Variants in CAMK2G observed in about 807,000 individuals in gnomAD.
CAMK2G encodes calcium/calmodulin-dependent protein kinase type II subunit gamma.
CAMK2G carries 23 observed loss-of-function variants against 88.7 expected under a neutral mutation model. The ratio of observed to expected loss-of-function variants is 0.26; its 90% CI spans 0.19 to 0.37. The LOEUF (loss-of-function observed/expected upper bound fraction) is 0.37. Ranked by LOEUF, CAMK2G falls within the 10% of genes least tolerant of loss-of-function variation. The pLI is 1.00. For missense variants in CAMK2G, 476 were observed against 780.8 expected (o/e 0.61, Z 4.65); for synonymous variants, 263 against 294.8 (o/e 0.89, Z 1.11).
At chr10:73,872,965 G>C in intron 2 of CAMK2G, 24 bp downstream of exon 2, 1 of 1,478,636 alleles carries the variant, frequency 6.8e-7, no homozygotes, top group Non-Finnish European at 9.5e-7. Context: ...CCCTCAGGAA[G>C]AGGTCAAGAC....
chr10:73,865,033 T>C (rs2095535009), intron 2 of CAMK2G, among the ~76,000 whole-genome samples: 1 of 152,208 alleles, frequency 6.6e-6, no homozygotes, highest in South Asian at 2.1e-4. Context: ...AGGTCTGGCA[T>C]ATAGCTCCTT....
chr10:73,816,865 A>G, intron 21 of CAMK2G, 158 bp downstream of exon 21: 1 of 1,600,168 alleles, frequency 6.2e-7, no homozygotes, highest in Non-Finnish European at 8.5e-7. Context: ...CCTGTCTACA[A>G]CCATCGGGGC....
intron 13 of CAMK2G, among the ~76,000 whole-genome samples, chr10:73,837,879 G>A (rs191991592): frequency 2.6e-5 from 4 of 152,204 alleles, no homozygotes; most frequent in Admixed American, 6.5e-5. Flanking sequence ...ATCCCTAGGT[G>A]CCATGGAAGT....
intron 15 of CAMK2G, among the ~76,000 whole-genome samples, chr10:73,827,655 C>T (rs575437413): frequency 1.4e-4 from 21 of 152,184 alleles, no homozygotes; most frequent in Non-Finnish European, 2.5e-4. Flanking sequence ...GCCAGGAGAG[C>T]GAGACTCACA....
rs186705838 is a variant in CAMK2G at position 73,845,309 on chromosome 10, G to A, written c.819+1916C>T. 2.2e-3 allele frequency among the ~76,000 whole-genome samples: 328 copies of A among 152,236 alleles called. 2 individuals are homozygous for A. Among genetic ancestry groups the A allele is most frequent in the Middle Eastern group, 6.8e-3 (2 of 294 alleles). ...ATGAAAACCATCATCTTGGCCGGGCGCAGTGGCTCATGCCTGTAATCTCAG... is the reference window on the plus strand; with the variant it reads ...ATGAAAACCATCATCTTGGCCGGGCACAGTGGCTCATGCCTGTAATCTCAG... On this transcript the variant is annotated intron_variant, in intron 10 of 22. Coordinates refer to ENST00000423381, the MANE Select transcript of CAMK2G (RefSeq NM_001367534.1).
At chr10:73,828,666 G>C (rs577758896) in intron 14 of CAMK2G, among the ~76,000 whole-genome samples, 2 of 152,310 alleles carry the variant, frequency 1.3e-5, no homozygotes, top group African/African-American at 4.8e-5. Flanking sequence ...AAATCACCTA[G>C]CAGTTAAATG....
At chr10:73,847,398 C>G (rs773268562) in intron 9 of CAMK2G, 51 bp from the exon 10 acceptor site, 1 of 1,594,006 alleles carries the variant, frequency 6.3e-7, no homozygotes, top group South Asian at 1.1e-5. Flanking sequence ...GCTTCATACC[C>G]TGCAACACTG....
chr10:73,814,287 CTTTT>C lies in CAMK2G; in HGVS notation c.*227_*230del, dbSNP rs896941328. 1.6e-5 allele frequency: 1 copy of C among 62,986 alleles called. No homozygotes were observed. The highest frequency in any genetic ancestry group is 3.1e-5 in the Non-Finnish European group (1 of 32,490). The allele number at this position is 62,986 out of a possible 1,614,324, so 3.9% of individuals were successfully genotyped here. On this transcript the variant is annotated 3_prime_UTR_variant, in exon 23 of 23. Coordinates refer to ENST00000423381, the MANE Select transcript of CAMK2G (RefSeq NM_001367534.1). Reference sequence around the variant, plus strand: ...TTTTTTTTTTAAACAATCTTTTTTTCTTTTTTTTTTTTCTTAAATGTAAAAAACA... The same window carrying C: ...TTTTTTTTTTAAACAATCTTTTTTTCTTTTTTTTCTTAAATGTAAAAAACA...
In CAMK2G at chr10:73,839,783, C is replaced by T. The variant is rs933042790; in HGVS notation, c.947-182G>A. ...AGCCAGCCCTGCAGCAGTCTGGGGG[C>T]CTGGGAAGACCGGGCTGGGCCAGGG... On this transcript the variant is annotated intron_variant, in intron 12 of 22. Coordinates refer to ENST00000423381, the MANE Select transcript of CAMK2G (RefSeq NM_001367534.1). This position sits in a 1 kb window ranked among gnomAD's most constrained non-coding sequence, Gnocchi z 4.2. Among the ~76,000 whole-genome samples, 16 of 152,286 alleles carry T rather than the reference C, an allele frequency of 1.1e-4. No individual in the cohort carries two copies. The highest frequency in any genetic ancestry group is 3.8e-4 in the African/African-American group (16 of 41,566).
rs150202228 is a variant in CAMK2G, at chr10:73,847,362, T to C, written c.697-15A>G. ...GGTGATGGGAACTAAGGAGCAGGAATAGGGAGAAGAATGTGGTATTGGTGA... is the reference window on the plus strand; with the variant it reads ...GGTGATGGGAACTAAGGAGCAGGAACAGGGAGAAGAATGTGGTATTGGTGA... On this transcript the variant is annotated splice_polypyrimidine_tract_variant and intron_variant, in intron 9 of 22. Coordinates refer to ENST00000423381, the MANE Select transcript of CAMK2G (RefSeq NM_001367534.1). 2 of 1,613,894 alleles carry C rather than the reference T, an allele frequency of 1.2e-6. No individual in the cohort carries two copies. Among genetic ancestry groups the C allele is most frequent in the African/African-American group, 1.3e-5 (1 of 75,010 alleles).
chr10:73,873,328 G>A, intron 1 of CAMK2G: 1 of 1,357,266 alleles, frequency 7.4e-7, no homozygotes, highest in Non-Finnish European at 9.5e-7. Context: ...CCCTGGGCAA[G>A]GCAACAGCCT....
intron 2 of CAMK2G, among the ~76,000 whole-genome samples, chr10:73,868,604 C>T (rs753510034): frequency 2.6e-5 from 4 of 152,200 alleles, no homozygotes; most frequent in Admixed American, 6.5e-5. Context: ...TCGCACACAG[C>T]CTCCTTAAAT....
rs750081148 is a variant in CAMK2G, at chr10:73,849,368, G to A, written c.342-35C>T. Reference sequence around the variant, plus strand: ...CAGAAGGAAAAGAAATGTTAGCGCAGGGTTAAACCACCTCATCCACATCCA... The same window carrying A: ...CAGAAGGAAAAGAAATGTTAGCGCAAGGTTAAACCACCTCATCCACATCCA... On this transcript the variant is annotated intron_variant, in intron 5 of 22. Transcript: ENST00000423381. The A allele has an allele frequency of 6.0e-6, 9 of 1,500,956 alleles. No homozygotes were observed. The African/African-American group carries it at 1.2e-4, about 21-fold the overall frequency. 93.0% of individuals were successfully genotyped at this position (1,500,956 alleles called of 1,614,324 possible). A position where few individuals can be genotyped will look rare whatever the true frequency, so the allele number is the denominator to read the frequency against.
rs533044189 is a variant in CAMK2G at position 73,851,675 on chromosome 10, G to T, written c.341+579C>A. ...GAGTACATGGTAGTGCAAAAAAAAA[G>T]TATTTCTGGGGTCACAGGGTAAAGG... On this transcript the variant is annotated intron_variant, in intron 5 of 22. Coordinates refer to ENST00000423381, the MANE Select transcript of CAMK2G (RefSeq NM_001367534.1). Among the ~76,000 whole-genome samples the T allele has an allele frequency of 2.6e-3, 377 of 142,772 alleles. 1 individual carries two copies. Among genetic ancestry groups the T allele is most frequent in the Non-Finnish European group, 4.7e-3 (312 of 66,456 alleles). The allele number at this position is 142,772 out of a possible 152,430, so 93.7% of individuals were successfully genotyped here.
intron 2 of CAMK2G, among the ~76,000 whole-genome samples, chr10:73,871,904 A>G (rs188154585): frequency 6.6e-6 from 1 of 152,276 alleles, no homozygotes; most frequent in East Asian, 1.9e-4. Flanking sequence ...TTCTCTAAGC[A>G]TTTGGGACAT....
intron 3 of CAMK2G, among the ~76,000 whole-genome samples, chr10:73,856,174 C>A (rs565835632): frequency 2.2e-4 from 34 of 152,280 alleles, no homozygotes; most frequent in African/African-American, 7.5e-4. Flanking sequence ...CTGTATTGAA[C>A]CCTCACACCA....
At chr10:73,835,463 A>ATT (rs777685745) in intron 14 of CAMK2G, among the ~76,000 whole-genome samples, 2 of 140,046 alleles carry the variant, frequency 1.4e-5, no homozygotes, top group South Asian at 2.3e-4. Context: ...TGCCCAGTTA[A>ATT]TTTTTTTTTT....
Position 73,842,253 on chromosome 10 carries a change from G to A in CAMK2G, c.904-42C>T, listed in dbSNP as rs1013824351. 2.6e-6 allele frequency: 4 copies of A among 1,538,840 alleles called. No homozygotes were observed. Among genetic ancestry groups the A allele is most frequent in the Non-Finnish European group, 3.6e-6 (4 of 1,111,334 alleles). On this transcript the variant is annotated intron_variant, in intron 11 of 22. Transcript: ENST00000423381. This position sits in a 1 kb window ranked among gnomAD's most constrained non-coding sequence, Gnocchi z 4.6. Reference sequence around the variant, plus strand: ...GTCCTGTGAATTCACTGAGACCCTAGAAAAGGGCAGGCTGGTCTCAGGCAA... The same window carrying A: ...GTCCTGTGAATTCACTGAGACCCTAAAAAAGGGCAGGCTGGTCTCAGGCAA...
intron 2 of CAMK2G, among the ~76,000 whole-genome samples, chr10:73,868,130 C>G (rs965763575): frequency 2.6e-5 from 4 of 152,178 alleles, no homozygotes; most frequent in African/African-American, 9.7e-5. Flanking sequence ...AGCAAGCATA[C>G]AGATGGGAGC....
Sources: gnomAD v4.1 joint callset for allele counts (sites outside exome capture counted in the v4.1 genomes callset) on GRCh38, gnomAD v4.1.1 for gene constraint, Gnocchi (gnomAD v3.1) non-coding constraint, MANE v1.5 for transcripts, NCBI Gene and HGNC (gene_info 2026-07-23, HGNC 2026-07-21) for gene names.